ZNF382: variants seen among roughly 807,000 people sequenced by gnomAD.
ZNF382 encodes KRAB/zinc finger suppressor protein 1.
In ZNF382, 20 loss-of-function variants were observed where a neutral mutation model predicts 38.8. The ratio of observed to expected loss-of-function variants is 0.51; its 90% CI spans 0.36 to 0.75. The LOEUF (loss-of-function observed/expected upper bound fraction) is 0.75. Among genes scored for constraint, ZNF382 ranks in the 30% least tolerant of loss-of-function variants. The pLI, the probability that ZNF382 is intolerant of heterozygous loss-of-function variation, is 0.00. For synonymous variants in ZNF382, 202 were observed against 223.1 expected, an observed-to-expected ratio of 0.91 and a Z score of 0.84; for missense variants, 546 against 654.1, an observed-to-expected ratio of 0.83 and a Z score of 1.80.
At chr19:36,614,955 C>CTTCCT (rs1555793094) in intron 4 of ZNF382, among the ~76,000 whole-genome samples, 13 of 118,080 alleles carry the variant, frequency 1.1e-4, no homozygotes, top group East Asian at 2.3e-4. Context: ...TTCCCTTTCC[C>CTTCCT]TTCCTTTCCT....
intron 1 of ZNF382, among the ~76,000 whole-genome samples, chr19:36,605,983 TTTGA>T (rs1213400540): frequency 6.6e-6 from 1 of 152,172 alleles, no homozygotes; most frequent in Admixed American, 6.5e-5. Context: ...CTGAAGGATG[TTTGA>T]TTGACTGTGA....
chr19:36,620,524 T>C (rs1320382511), intron 4 of ZNF382, among the ~76,000 whole-genome samples: 1 of 152,226 alleles, frequency 6.6e-6, no homozygotes, highest in Non-Finnish European at 1.5e-5. Flanking sequence ...CTTGACTTTA[T>C]GAAAGTCCTG....
intron 4 of ZNF382, among the ~76,000 whole-genome samples, chr19:36,624,553 A>G (rs943500853): frequency 6.6e-6 from 1 of 152,360 alleles, no homozygotes; most frequent in Admixed American, 6.5e-5. Context: ...AAGATTAATC[A>G]GTGCTCTGCA....
intron 2 of ZNF382, 173 bp from the exon 3 acceptor site, chr19:36,609,729 A>C (rs2037061976): frequency 3.3e-6 from 2 of 600,286 alleles, no homozygotes; most frequent in Non-Finnish European, 5.3e-6. Flanking sequence ...TTCAGGACAA[A>C]TAGTGTGATC....
At chr19:36,618,455 C>T (rs1381910743) in intron 4 of ZNF382, among the ~76,000 whole-genome samples, 1 of 152,284 alleles carries the variant, frequency 6.6e-6, no homozygotes, top group Non-Finnish European at 1.5e-5. Context: ...CTTCTCCATT[C>T]CCAGATTTTG....
intron 4 of ZNF382, among the ~76,000 whole-genome samples, chr19:36,624,592 G>T (rs1021744296): frequency 5.9e-5 from 9 of 152,174 alleles, no homozygotes; most frequent in African/African-American, 2.2e-4. Flanking sequence ...GTCCTTTACA[G>T]CTCCAGTAGG....
In ZNF382 at chr19:36,626,464, A is replaced by G. The variant is rs777550557; in HGVS notation, c.567A>G (p.Thr189=). The change falls in exon 5 of 5, where the codon ACA becomes ACG. Residue 189 remains threonine (T), a synonymous_variant. Transcript: ENST00000292928. ...CTGCAGTGAATCTCCATAAACAAAC[A>G]GAAAGAGTTCTCAGTGGTAAACAGG... ...IHPAVNLHKQ[T]ERVLSGKQEL... The G allele has an allele frequency of 6.9e-6, 11 of 1,604,422 alleles. No individual in the cohort carries two copies. The highest frequency in any genetic ancestry group is 1.3e-5 in the African/African-American group (1 of 74,264).
In ZNF382 at chr19:36,630,303, T is replaced by G. The variant is rs1398512119; in HGVS notation, c.*2753T>G. The G allele has an allele frequency of 6.6e-6, 1 of 151,872 alleles. No individual in the cohort carries two copies. The highest frequency in any genetic ancestry group is 2.4e-5 in the African/African-American group (1 of 41,352). 9.4% of individuals were successfully genotyped at this position (151,872 alleles called of 1,614,324 possible). A position where few individuals can be genotyped will look rare whatever the true frequency, so the allele number is the denominator to read the frequency against. On this transcript the variant is annotated 3_prime_UTR_variant, in exon 5 of 5. Coordinates refer to ENST00000292928, the MANE Select transcript of ZNF382 (RefSeq NM_032825.5). ...AGGTATGGAATCTAATGAATGTCCG[T>G]GAAGGAGGTACTTTTGAATGCTTTA...
intron 4 of ZNF382, among the ~76,000 whole-genome samples, chr19:36,611,710 G>A (rs1301448561): frequency 6.6e-6 from 1 of 152,050 alleles, no homozygotes; most frequent in Non-Finnish European, 1.5e-5. Context: ...TTATATTTAA[G>A]GAGTCACCAT....
rs982929051 is a variant in ZNF382 at position 36,633,760 on chromosome 19, C to G, written c.*6210C>G. 3.3e-5 allele frequency: 5 copies of G among 152,082 alleles called. No homozygotes were observed. Among genetic ancestry groups the G allele is most frequent in the Admixed American group, 6.6e-5 (1 of 15,248 alleles). 9.4% of individuals were successfully genotyped at this position (152,082 alleles called of 1,614,324 possible). A position where few individuals can be genotyped will look rare whatever the true frequency, so the allele number is the denominator to read the frequency against. Reference sequence around the variant, plus strand: ...TCTACTCAACGATAACAATAATGAGCTACTGAAACATGCAGCTACATAGAT... The same window carrying G: ...TCTACTCAACGATAACAATAATGAGGTACTGAAACATGCAGCTACATAGAT... On this transcript the variant is annotated 3_prime_UTR_variant, in exon 5 of 5. Coordinates refer to ENST00000292928, the MANE Select transcript of ZNF382 (RefSeq NM_032825.5).
chr19:36,610,526 G>A, intron 3 of ZNF382, 124 bp from the exon 4 acceptor site: 1 of 629,186 alleles, frequency 1.6e-6, no homozygotes, highest in Non-Finnish European at 2.8e-6. Context: ...GTAGTGTAAG[G>A]TATTAACTTT....
chr19:36,606,358 G>A (rs1383692746), intron 1 of ZNF382, among the ~76,000 whole-genome samples: 1 of 111,154 alleles, frequency 9.0e-6, no homozygotes, highest in African/African-American at 3.4e-5. Flanking sequence ...TTTTGTTGTT[G>A]TTTTTTGTTT....
At position 36,610,072 on chromosome 19, in the gene ZNF382, T is replaced by A; in HGVS notation, c.139+19T>A. 1 of 1,612,494 alleles carries A rather than the reference T, an allele frequency of 6.2e-7. No individual in the cohort carries two copies. The highest frequency in any genetic ancestry group is 1.1e-5 in the South Asian group (1 of 90,896). ...TCTGTGGGTAAGAAACACTCCTGAA[T>A]CTTTCACTGTCATGCATCTCCTTCT... On this transcript the variant is annotated intron_variant, in intron 3 of 4. Coordinates refer to ENST00000292928, the MANE Select transcript of ZNF382 (RefSeq NM_032825.5).
intron 1 of ZNF382, among the ~76,000 whole-genome samples, chr19:36,605,915 G>C (rs779090084): frequency 6.6e-6 from 1 of 152,192 alleles, no homozygotes; most frequent in Non-Finnish European, 1.5e-5. Flanking sequence ...GCCTGGAGTC[G>C]TGTTAGCTGC....
chr19:36,610,476 G>GGAAA (rs757349945), intron 3 of ZNF382, 174 bp from the exon 4 acceptor site: 10 of 485,472 alleles, frequency 2.1e-5, no homozygotes, highest in Non-Finnish European at 3.6e-5. Flanking sequence ...GAAAAGAAAA[G>GGAAA]GAAAGAAAGA....
chr19:36,606,816 G>T (rs1442338576), intron 1 of ZNF382, among the ~76,000 whole-genome samples: 2 of 152,050 alleles, frequency 1.3e-5, no homozygotes, highest in Non-Finnish European at 2.9e-5. Context: ...AGTGACTGAT[G>T]CCTGTAATCC....
At chr19:36,621,538 C>T (rs568656487) in intron 4 of ZNF382, among the ~76,000 whole-genome samples, 3 of 151,658 alleles carry the variant, frequency 2.0e-5, no homozygotes, top group East Asian at 1.9e-4. Context: ...GTCAGCCCCC[C>T]GAATTCATGG....
At position 36,626,860 on chromosome 19, in the gene ZNF382, A is replaced by G. The variant is rs1343041910; in HGVS notation, c.963A>G (p.Glu321=). Residue 321 remains glutamate, a synonymous_variant, in exon 5 of 5, where the codon GAA becomes GAG. Transcript: ENST00000292928. ...LIEHQRIHTG[E]KPYVCNQCGK... is the part of the protein sequence containing the mutation. ...AACATCAGCGAATTCACACAGGTGA[A>G]AAACCTTATGTTTGCAATCAATGTG... 2.5e-6 allele frequency: 4 copies of G among 1,614,102 alleles called. No homozygotes were observed. Among genetic ancestry groups the G allele is most frequent in the Non-Finnish European group, 3.4e-6 (4 of 1,180,042 alleles).
rs2037234919 is a variant in ZNF382 at position 36,628,774 on chromosome 19, G to A, written c.*1224G>A. On this transcript the variant is annotated 3_prime_UTR_variant, in exon 5 of 5. Transcript: ENST00000292928. ...CTGTATCTACTGGTCAGGTACAAATGATGAATATGGAAAAGCTTATAGCCA... is the reference window on the plus strand; with the variant it reads ...CTGTATCTACTGGTCAGGTACAAATAATGAATATGGAAAAGCTTATAGCCA... 1 of 152,520 alleles carries A rather than the reference G, an allele frequency of 6.6e-6. No homozygotes were observed. Among genetic ancestry groups the A allele is most frequent in the Admixed American group, 6.6e-5 (1 of 15,258 alleles). 9.4% of individuals were successfully genotyped at this position (152,520 alleles called of 1,614,324 possible).
Sources: gnomAD v4.1 joint callset for allele counts (sites outside exome capture counted in the v4.1 genomes callset) on GRCh38, gnomAD v4.1.1 for gene constraint, MANE v1.5 for transcripts, NCBI Gene and HGNC (gene_info 2026-07-23, HGNC 2026-07-21) for gene names.